Variants in ANKS6 observed in about 807,000 individuals in gnomAD.
The protein encoded by ANKS6 is ankyrin repeat and sterile alpha motif domain containing 6.
Under a neutral mutation model 77.9 loss-of-function variants are expected in ANKS6, and 47 were observed. The ratio of observed to expected loss-of-function variants is 0.60; its 90% CI spans 0.48 to 0.77. The LOEUF is 0.77. Ranked by LOEUF, ANKS6 falls within the 30% of genes least tolerant of loss-of-function variation. The pLI is 0.00. For missense variants in ANKS6, 1,150 were observed against 1,159.1 expected, an observed-to-expected ratio of 0.99 and a Z score of 0.11; for synonymous variants, 488 against 501.7, an observed-to-expected ratio of 0.97 and a Z score of 0.37.
At chr9:98,794,747 G>C (rs1331651810) in intron 1 of ANKS6, among the ~76,000 whole-genome samples, 3 of 152,140 alleles carry the variant, frequency 2.0e-5, no homozygotes, top group East Asian at 1.9e-4. Context: ...GCACGCACTT[G>C]GTGGATTGCA....
chr9:98,777,682 G>GC lies in ANKS6; in HGVS notation c.1568-229dup, dbSNP rs1165155488. ...CTGCCGTACTGAGTCAGACAGTGGT[G>GC]CCCCCAGCTCAATAGTCTGTCTCAG... On this transcript the variant is annotated intron_variant, in intron 7 of 14. Coordinates refer to ENST00000353234, the MANE Select transcript of ANKS6 (RefSeq NM_173551.5). Among the ~76,000 whole-genome samples the GC allele has an allele frequency of 3.9e-5, 6 of 151,916 alleles. No individual in the cohort carries two copies. In the South Asian group the frequency reaches 1.2e-3, roughly 32 times the overall value.
In ANKS6 at chr9:98,796,382, G is replaced by A. The variant is rs1275207800; in HGVS notation, c.110C>T (p.Ala37Val). 2.0e-6 allele frequency: 2 copies of A among 1,011,204 alleles called. No individual in the cohort carries two copies. The highest frequency in any genetic ancestry group is 2.4e-6 in the Non-Finnish European group (2 of 849,066). 62.6% of individuals were successfully genotyped at this position (1,011,204 alleles called of 1,614,324 possible). Reference sequence around the variant, plus strand: ...CGCCTCCGGCTCCGCGCCGCGCTCGGCTGGCTCCGCCGCCCCCGGCTCCAG... The same window carrying A: ...CGCCTCCGGCTCCGCGCCGCGCTCGACTGGCTCCGCCGCCCCCGGCTCCAG... Reference protein sequence around the residue: ...RLLEPGAAEPAERGAEPEAGA... With the variant: ...RLLEPGAAEPVERGAEPEAGA... The change falls in exon 1 of 15, where the codon GCC becomes GTC. Residue 37 changes from alanine to valine, a missense_variant. Physicochemically the swap from Ala to Val is moderately conservative, Grantham distance 64 (BLOSUM62 0). Transcript: ENST00000353234.
Position 98,735,221 on chromosome 9 carries a change from T to C in ANKS6, c.*1298A>G, listed in dbSNP as rs1831432989. The C allele has an allele frequency of 4.1e-6, 4 of 986,282 alleles. No individual in the cohort carries two copies. The highest frequency in any genetic ancestry group is 3.6e-6 in the Non-Finnish European group (3 of 830,642). 61.1% of individuals were successfully genotyped at this position (986,282 alleles called of 1,614,324 possible). ...TTGAGCTTCATCTGAACTTTGAACC[T>C]GAGTCCAGAGCACAAGGTCTGCCCA... On this transcript the variant is annotated 3_prime_UTR_variant, in exon 15 of 15. Transcript: ENST00000353234.
intron 12 of ANKS6, among the ~76,000 whole-genome samples, chr9:98,756,055 A>AT (rs1832680538): frequency 2.0e-5 from 3 of 152,148 alleles, no homozygotes; most frequent in Admixed American, 6.5e-5. Flanking sequence ...GTCAGGTTTC[A>AT]TTTTTTTCCC....
chr9:98,756,525 G>C lies in ANKS6; in HGVS notation c.2221C>G (p.Pro741Ala). The change falls in exon 12 of 15, where the codon CCC becomes GCC. Residue 741 changes from proline (P) to alanine (A), a missense_variant. By Grantham distance (27) the Pro-to-Ala change is conservative. Transcript: ENST00000353234. ...KSTSPTLTPS[P>A]SPKGHTAESS... ...TCTGCAGTGTGCCCTTTGGGTGAGG[G>C]GGAGGGCGTGAGGGTTGGAGAGGTG... 6.2e-7 allele frequency: 1 copy of C among 1,606,784 alleles called. No individual in the cohort carries two copies. Among genetic ancestry groups the C allele is most frequent in the Non-Finnish European group, 8.5e-7 (1 of 1,177,104 alleles).
At chr9:98,762,160 T>A (rs768302152) in intron 11 of ANKS6, among the ~76,000 whole-genome samples, 1 of 152,182 alleles carries the variant, frequency 6.6e-6, no homozygotes, top group African/African-American at 2.4e-5. Context: ...ATTTCATACA[T>A]GTTAAATGTA....
chr9:98,781,459 G>C (rs1834251886), intron 5 of ANKS6, among the ~76,000 whole-genome samples: 1 of 152,166 alleles, frequency 6.6e-6, no homozygotes, highest in Non-Finnish European at 1.5e-5. Context: ...AAGTGAAGAA[G>C]GTCTCCAATG....
intron 2 of ANKS6, among the ~76,000 whole-genome samples, chr9:98,785,170 A>G (rs1215441500): frequency 6.6e-6 from 1 of 152,252 alleles, no homozygotes; most frequent in Non-Finnish European, 1.5e-5. Flanking sequence ...AAACGTTGGC[A>G]TATCCTTTCT....
intron 2 of ANKS6, among the ~76,000 whole-genome samples, chr9:98,788,945 G>A (rs770310632): frequency 8.6e-5 from 13 of 151,734 alleles, no homozygotes; most frequent in Non-Finnish European, 1.3e-4. Context: ...CTTTTCATTT[G>A]AGCATCCTCT....
At chr9:98,759,408 C>T (rs750889639) in intron 11 of ANKS6, among the ~76,000 whole-genome samples, 7 of 152,230 alleles carry the variant, frequency 4.6e-5, no homozygotes, top group Non-Finnish European at 1.0e-4. Context: ...GCTAAGTATC[C>T]TCCAATTCAA....
intron 9 of ANKS6, among the ~76,000 whole-genome samples, chr9:98,773,354 T>G (rs890938947): frequency 6.6e-6 from 1 of 152,176 alleles, no homozygotes; most frequent in African/African-American, 2.4e-5. Flanking sequence ...AGATACAGGT[T>G]ACACACAGAT....
At chr9:98,765,575 A>G (rs1488301697) in intron 11 of ANKS6, among the ~76,000 whole-genome samples, 2 of 152,224 alleles carry the variant, frequency 1.3e-5, no homozygotes, top group African/African-American at 2.4e-5. Context: ...AACTGCCCAC[A>G]TAAGTCCAGA....
intron 13 of ANKS6, among the ~76,000 whole-genome samples, chr9:98,750,771 T>C (rs574063154): frequency 6.6e-6 from 1 of 152,136 alleles, no homozygotes; most frequent in South Asian, 2.1e-4. Context: ...ACAAAAAAAA[T>C]GTTTTCAGGA....
chr9:98,738,425 G>A (rs1831618264), intron 14 of ANKS6, among the ~76,000 whole-genome samples: 1 of 152,062 alleles, frequency 6.6e-6, no homozygotes, highest in Admixed American at 6.5e-5. Flanking sequence ...AGTGGGCTAA[G>A]GACATGAATA....
intron 11 of ANKS6, among the ~76,000 whole-genome samples, chr9:98,766,302 A>T (rs1277629150): frequency 1.3e-5 from 2 of 152,222 alleles, no homozygotes; most frequent in East Asian, 3.8e-4. Context: ...AATAGTTAAT[A>T]TAATTTATAA....
At chr9:98,765,103 A>G (rs1447692594) in intron 11 of ANKS6, among the ~76,000 whole-genome samples, 2 of 152,146 alleles carry the variant, frequency 1.3e-5, no homozygotes, top group Non-Finnish European at 1.5e-5. Flanking sequence ...AGCTGGCTAT[A>G]CTACTAATAA....
At chr9:98,785,165 T>C (rs947551529) in intron 2 of ANKS6, among the ~76,000 whole-genome samples, 3 of 152,240 alleles carry the variant, frequency 2.0e-5, no homozygotes, top group Non-Finnish European at 4.4e-5. Flanking sequence ...AAAACAAACG[T>C]TGGCATATCC....
At chr9:98,752,439 CCCTT>C (rs945761926) in intron 12 of ANKS6, among the ~76,000 whole-genome samples, 9 of 152,046 alleles carry the variant, frequency 5.9e-5, no homozygotes, top group Non-Finnish European at 8.8e-5. Flanking sequence ...CTCCCTCTTT[CCCTT>C]CCTTCCTTCC....
intron 1 of ANKS6, among the ~76,000 whole-genome samples, chr9:98,794,219 G>T (rs1160230860): frequency 6.8e-6 from 1 of 147,874 alleles, no homozygotes; most frequent in Non-Finnish European, 1.5e-5. Flanking sequence ...ACCCACAAAA[G>T]ACCAAAGGCA....
Sources: gnomAD v4.1 joint callset for allele counts (sites outside exome capture counted in the v4.1 genomes callset) on GRCh38, gnomAD v4.1.1 for gene constraint, MANE v1.5 for transcripts, NCBI Gene and HGNC (gene_info 2026-07-23, HGNC 2026-07-21) for gene names.